SCN3A: variants seen among roughly 807,000 people sequenced by gnomAD.
SCN3A encodes sodium channel protein type 3 subunit alpha.
In SCN3A, 60 loss-of-function variants were observed where a neutral mutation model predicts 187.6. The observed-to-expected ratio is 0.32, with a 90% CI of 0.26 to 0.40. SCN3A has a LOEUF of 0.40. SCN3A is among the 10% of genes least tolerant of loss of function. The probability of loss-of-function intolerance (pLI) is 1.00; values close to 1 mark genes in which losing one functional copy is unlikely to be tolerated. For missense variants in SCN3A, 1,601 were observed against 2,428.2 expected (o/e 0.66, Z 7.16); for synonymous variants, 788 against 829.2 (o/e 0.95, Z 0.85).
intron 12 of SCN3A, among the ~76,000 whole-genome samples, chr2:165,141,960 G>T (rs1688036550): frequency 6.6e-6 from 1 of 152,204 alleles, no homozygotes. Flanking sequence ...TTAGCTTGAA[G>T]TTCCTTCTTT....
At chr2:165,096,608 A>G (rs1444067789) in intron 23 of SCN3A, 88 bp from the exon 24 acceptor site, 1 of 893,520 alleles carries the variant, frequency 1.1e-6, no homozygotes, top group Non-Finnish European at 1.8e-6. Flanking sequence ...TATTATAACA[A>G]ATAACTTTTT....
intron 2 of SCN3A, among the ~76,000 whole-genome samples, chr2:165,178,893 ACAT>A (rs553628628): frequency 6.9e-4 from 105 of 152,332 alleles, no homozygotes; most frequent in Non-Finnish European, 1.3e-3. Flanking sequence ...TTTGATGATC[ACAT>A]CATCAATCCA....
chr2:165,165,674 G>T (rs757439234), intron 5 of SCN3A, among the ~76,000 whole-genome samples: 1 of 152,036 alleles, frequency 6.6e-6, no homozygotes, highest in Non-Finnish European at 1.5e-5. Context: ...AAGCCACAAA[G>T]ATTTGATTTA....
rs767339813 is a variant in SCN3A at position 165,176,445 on chromosome 2, C to G, written c.-50-1G>C. ...GTGTAGCTTCTTGCATACGAATTAC[C>G]TGCAATAAAAGAAAAATTGCACAAG... On this transcript the variant is annotated splice_acceptor_variant, in intron 2 of 27. Coordinates refer to ENST00000283254, the MANE Select transcript of SCN3A (RefSeq NM_006922.4). LOFTEE classifies it low-confidence loss of function (5UTR_SPLICE). The G allele has an allele frequency of 6.2e-7, 1 of 1,611,262 alleles. No individual in the cohort carries two copies. The highest frequency in any genetic ancestry group is 8.5e-7 in the Non-Finnish European group (1 of 1,178,522).
intron 27 of SCN3A, among the ~76,000 whole-genome samples, chr2:165,091,660 A>G (rs1366387058): frequency 2.0e-5 from 3 of 152,230 alleles, no homozygotes; most frequent in African/African-American, 7.2e-5. Context: ...ACAAACAAAA[A>G]TATTTCTGAA....
At chr2:165,128,242 T>C (rs1687113517) in intron 17 of SCN3A, 141 bp from the exon 18 acceptor site, 1 of 712,128 alleles carries the variant, frequency 1.4e-6, no homozygotes, top group East Asian at 2.7e-5. Flanking sequence ...AGATGCCATG[T>C]CTAAGTCACA....
At chr2:165,107,138 C>T (rs1184040722) in intron 21 of SCN3A, among the ~76,000 whole-genome samples, 1 of 151,966 alleles carries the variant, frequency 6.6e-6, no homozygotes, top group South Asian at 2.1e-4. Flanking sequence ...GGTGTATTAA[C>T]ATGTATTATC....
At chr2:165,152,338 C>G (rs66992577) in intron 11 of SCN3A, among the ~76,000 whole-genome samples, 15,861 of 152,148 alleles carry the variant, frequency 0.1, 1,008 homozygotes, top group Non-Finnish European at 0.15. Flanking sequence ...AGACACAGAT[C>G]AAGCTTGCAG....
intron 1 of SCN3A, among the ~76,000 whole-genome samples, chr2:165,189,401 T>C (rs749787450): frequency 1.8e-4 from 28 of 152,212 alleles, no homozygotes; most frequent in Non-Finnish European, 2.8e-4. Flanking sequence ...CTAATACATT[T>C]ATTGGATCTG....
At chr2:165,203,790 T>C (rs1461452950) in intron 1 of SCN3A, 33 bp downstream of exon 1, 1 of 151,976 alleles carries the variant, frequency 6.6e-6, no homozygotes, top group Non-Finnish European at 1.5e-5. Context: ...CTAGGTTCTA[T>C]GGTGCAGATA....
At chr2:165,182,268 A>G (rs77298957) in intron 2 of SCN3A, among the ~76,000 whole-genome samples, 3,117 of 152,306 alleles carry the variant, frequency 0.02, 113 homozygotes, top group African/African-American at 0.071. Context: ...AAGAGAAGTA[A>G]AAGATCTGAC....
rs4667796 is a variant in SCN3A at position 165,168,907 on chromosome 2, G to A, written c.384-82C>T. The stretch of plus-strand genomic sequence containing the variant: ...TCCAAAACACACAAAAAAGTTTATC[G>A]ATGCAAAAACTGTGAAATTAATATT... On this transcript the variant is annotated intron_variant, in intron 4 of 27. Transcript: ENST00000283254. The A allele has an allele frequency of 0.18, 162,948 of 924,176 alleles. 19,886 individuals carry two copies. The highest frequency in any genetic ancestry group is 0.48 in the East Asian group (19,847 of 40,934). The allele number at this position is 924,176 out of a possible 1,614,324, so 57.2% of individuals were successfully genotyped here.
chr2:165,098,646 T>A (rs1429823348), intron 22 of SCN3A, among the ~76,000 whole-genome samples: 1 of 152,188 alleles, frequency 6.6e-6, no homozygotes, highest in African/African-American at 2.4e-5. Context: ...GTTAGTAGCC[T>A]AAAACAATAT....
Position 165,162,601 on chromosome 2 carries a change from C to T in SCN3A, c.922G>A (p.Val308Ile), listed in dbSNP as rs1574267434. The T allele has an allele frequency of 1.9e-6, 3 of 1,614,126 alleles. No homozygotes were observed. In the East Asian group the frequency reaches 6.7e-5, roughly 36 times the overall value. Reference sequence around the variant, plus strand: ...TTCCAGTTAAATGTGCTCATTGTTACATTAACAAATGTCCCATTTGAATCC... The same window carrying T: ...TTCCAGTTAAATGTGCTCATTGTTATATTAACAAATGTCCCATTTGAATCC... Reference protein sequence around the residue: ...TMDSNGTFVNVTMSTFNWKDY... With the variant: ...TMDSNGTFVNITMSTFNWKDY... Residue 308 changes from valine (V) to isoleucine (I), a missense_variant, in exon 8 of 28, where the codon GTA (valine) becomes ATA (isoleucine). Val to Ile is a conservative substitution (Grantham distance 29). Around this residue, in one of 11 missense-constraint regions of SCN3A, gnomAD observed 104 missense variants for 102.7 expected, o/e 1.01. Transcript: ENST00000283254.
intron 21 of SCN3A, among the ~76,000 whole-genome samples, chr2:165,102,309 AAGAC>A (rs1201256266): frequency 6.6e-6 from 1 of 152,202 alleles, no homozygotes; most frequent in Non-Finnish European, 1.5e-5. Context: ...CCATGAGTTC[AAGAC>A]CAGCCTGCGC....
intron 4 of SCN3A, among the ~76,000 whole-genome samples, chr2:165,169,470 C>G (rs16850192): frequency 0.21 from 32,366 of 151,810 alleles, 4,435 homozygotes; most frequent in East Asian, 0.51. Flanking sequence ...TATACCTAAA[C>G]AGATAGCACT....
intron 4 of SCN3A, 146 bp downstream of exon 4, chr2:165,170,284 G>T: frequency 1.6e-6 from 1 of 623,460 alleles, no homozygotes; most frequent in Non-Finnish European, 2.9e-6. Context: ...ATAAATAGTG[G>T]AAAACCAATG....
intron 21 of SCN3A, among the ~76,000 whole-genome samples, chr2:165,100,883 A>T (rs1177688023): frequency 6.6e-6 from 1 of 152,194 alleles, no homozygotes; most frequent in Non-Finnish European, 1.5e-5. Flanking sequence ...CCCTTTCCAG[A>T]TCGTATACGT....
chr2:165,091,236 C>G lies in SCN3A; in HGVS notation c.4917G>C (p.Lys1639Asn), dbSNP rs1412013366. The G allele has an allele frequency of 6.2e-7, 1 of 1,614,052 alleles. No individual in the cohort carries two copies. Among genetic ancestry groups the G allele is most frequent in the Non-Finnish European group, 8.5e-7 (1 of 1,179,930 alleles). Residue 1639 changes from lysine to asparagine, a missense_variant, in exon 28 of 28, where the codon AAG becomes AAC. Lys to Asn is a moderately conservative substitution (Grantham distance 94). This residue lies in a region of SCN3A where 320 missense variants were observed against 623.2 expected (regional missense o/e 0.51). Transcript: ENST00000283254. ...GRILRLIKGA[K>N]GIRTLLFALM... ...AAGCAAAGAGCAGCGTGCGGATCCC[C>G]TTTGCTCCTTTGATCAGACGTAGGA... is the stretch of plus-strand genomic sequence containing the variant.
Sources: gnomAD v4.1 joint callset for allele counts (sites outside exome capture counted in the v4.1 genomes callset) on GRCh38, gnomAD v4.1.1 for gene constraint, gnomAD v4.1.1 regional missense constraint, MANE v1.5 for transcripts, NCBI Gene and HGNC (gene_info 2026-07-23, HGNC 2026-07-21) for gene names.